GRIP1: variants seen among roughly 807,000 people sequenced by gnomAD.
GRIP1 encodes the protein glutamate receptor interacting protein 1.
In GRIP1, 45 loss-of-function variants were observed where a neutral mutation model predicts 129.9. That is an observed-to-expected ratio of 0.35 (90% CI 0.27 to 0.44). The LOEUF is 0.44. Ranked by LOEUF, GRIP1 falls within the 20% of genes least tolerant of loss-of-function variation. The pLI is 1.00. For synonymous variants in GRIP1, 530 were observed against 520.8 expected (o/e 1.02, Z -0.24); for missense variants, 1,196 against 1,396.8 (o/e 0.86, Z 2.29).
chr12:66,660,487 CAATT>C (rs888739601), intron 1 of GRIP1, among the ~76,000 whole-genome samples: 8 of 152,036 alleles, frequency 5.3e-5, no homozygotes, highest in East Asian at 1.9e-4. Context: ...AACAAAGTAT[CAATT>C]AGTTATTATT....
intron 1 of GRIP1, among the ~76,000 whole-genome samples, chr12:66,890,854 C>T (rs2040646834): frequency 6.6e-6 from 1 of 152,118 alleles, no homozygotes; most frequent in African/African-American, 2.4e-5. Flanking sequence ...TCATTAATGC[C>T]AGAATTGAAA....
intron 1 of GRIP1, among the ~76,000 whole-genome samples, chr12:66,597,836 A>C (rs1265264332): frequency 6.6e-6 from 1 of 152,176 alleles, no homozygotes; most frequent in Non-Finnish European, 1.5e-5. Context: ...TATTAAGGTT[A>C]AAATTGAAAG....
chr12:67,025,358 CAT>C (rs1491005033), intron 1 of GRIP1, among the ~76,000 whole-genome samples: 51 of 152,186 alleles, frequency 3.4e-4, no homozygotes, highest in African/African-American at 1.2e-3. Flanking sequence ...CACACACACA[CAT>C]ACACACACAC....
At chr12:67,065,863 C>T (rs2043615566) in intron 1 of GRIP1, among the ~76,000 whole-genome samples, 1 of 145,906 alleles carries the variant, frequency 6.9e-6, no homozygotes, top group South Asian at 2.1e-4. Context: ...GAATACATTA[C>T]TTAATTTAAT....
At chr12:66,515,877 T>C (rs1415712722) in intron 6 of GRIP1, 113 bp from the exon 7 acceptor site, 10 of 826,564 alleles carry the variant, frequency 1.2e-5, no homozygotes, top group Admixed American at 9.3e-5. Flanking sequence ...TCCATCTCAT[T>C]TGCATTCTTT....
chr12:66,488,495 AG>A (rs1210476089), intron 7 of GRIP1, among the ~76,000 whole-genome samples: 1 of 152,198 alleles, frequency 6.6e-6, no homozygotes, highest in East Asian at 1.9e-4. Context: ...GAAAGTTTAT[AG>A]TACTAAATAC....
intron 1 of GRIP1, among the ~76,000 whole-genome samples, chr12:66,889,053 TAA>T (rs2040612631): frequency 6.6e-6 from 1 of 152,182 alleles, no homozygotes; most frequent in South Asian, 2.1e-4. Context: ...TCCAAAGAAA[TAA>T]AGTCAGTGCC....
intron 2 of GRIP1, among the ~76,000 whole-genome samples, chr12:66,549,299 A>G (rs2062048923): frequency 6.6e-6 from 1 of 152,160 alleles, no homozygotes; most frequent in Admixed American, 6.6e-5. Context: ...CAGAAGCAAA[A>G]TGATAAAGGA....
chr12:66,858,345 T>C (rs901810027), intron 1 of GRIP1, among the ~76,000 whole-genome samples: 1 of 151,962 alleles, frequency 6.6e-6, no homozygotes, highest in African/African-American at 2.4e-5. Context: ...CACCATAGGT[T>C]TCATAACTCA....
At chr12:66,562,668 C>A (rs1314654781) in intron 2 of GRIP1, among the ~76,000 whole-genome samples, 1 of 152,008 alleles carries the variant, frequency 6.6e-6, no homozygotes, top group Non-Finnish European at 1.5e-5. Context: ...AAAAATCTGG[C>A]ATTATGTATC....
chr12:66,926,650 T>C (rs909439067), intron 1 of GRIP1, among the ~76,000 whole-genome samples: 1 of 152,236 alleles, frequency 6.6e-6, no homozygotes, highest in African/African-American at 2.4e-5. Flanking sequence ...AATTTGCATA[T>C]TTGGTTAGTA....
At chr12:66,764,130 A>G (rs1266961793) in intron 1 of GRIP1, among the ~76,000 whole-genome samples, 2 of 152,252 alleles carry the variant, frequency 1.3e-5, no homozygotes, top group African/African-American at 2.4e-5. Flanking sequence ...GATATAAACA[A>G]TCATTTGGAA....
intron 1 of GRIP1, among the ~76,000 whole-genome samples, chr12:66,691,789 G>T (rs530800620): frequency 6.6e-6 from 1 of 152,030 alleles, no homozygotes; most frequent in Non-Finnish European, 1.5e-5. Flanking sequence ...ACTTGTTTGC[G>T]TAGGGAAATG....
intron 15 of GRIP1, among the ~76,000 whole-genome samples, chr12:66,407,939 T>C (rs1262014453): frequency 6.6e-6 from 1 of 152,126 alleles, no homozygotes; most frequent in East Asian, 1.9e-4. Flanking sequence ...GAGAGAGTCC[T>C]TCACTCTAAC....
chr12:66,638,697 T>G (rs185881664), intron 1 of GRIP1, among the ~76,000 whole-genome samples: 2 of 152,312 alleles, frequency 1.3e-5, no homozygotes, highest in Admixed American at 6.5e-5. Flanking sequence ...AGGCCCTTCT[T>G]TAAAGGTCAG....
At chr12:66,773,861 A>C (rs1166939854) in intron 1 of GRIP1, among the ~76,000 whole-genome samples, 1 of 152,194 alleles carries the variant, frequency 6.6e-6, no homozygotes, top group Non-Finnish European at 1.5e-5. Flanking sequence ...CATAATATGC[A>C]AAAATATACT....
At chr12:66,574,305 T>C (rs2063066541) in intron 2 of GRIP1, among the ~76,000 whole-genome samples, 1 of 152,252 alleles carries the variant, frequency 6.6e-6, no homozygotes, top group African/African-American at 2.4e-5. Context: ...TGCGTTTTAG[T>C]GTAAGATTCC....
chr12:66,849,827 C>T (rs2039880015), intron 1 of GRIP1, among the ~76,000 whole-genome samples: 1 of 152,178 alleles, frequency 6.6e-6, no homozygotes, highest in African/African-American at 2.4e-5. Context: ...TGTCCCCCTT[C>T]TTCACTTTCA....
chr12:66,610,075 T>C (rs191250335), intron 1 of GRIP1, among the ~76,000 whole-genome samples: 206 of 152,282 alleles, frequency 1.4e-3, no homozygotes, highest in Middle Eastern at 3.4e-3. Flanking sequence ...AACCCCATTA[T>C]ATTTTGAAAC....
Sources: gnomAD v4.1 joint callset for allele counts (sites outside exome capture counted in the v4.1 genomes callset) on GRCh38, gnomAD v4.1.1 for gene constraint, MANE v1.5 for transcripts, NCBI Gene and HGNC (gene_info 2026-07-23, HGNC 2026-07-21) for gene names.